Variants in MGST1 observed in about 807,000 individuals in gnomAD.
MGST1 encodes the protein glutathione S-transferase 12.
In MGST1, 5 loss-of-function variants were observed where a neutral mutation model predicts 8.9. The observed-to-expected ratio is 0.56, with a 90% CI of 0.29 to 1.19. The LOEUF is 1.19. Ranked by LOEUF, MGST1 falls within the 50% of genes most tolerant of loss-of-function variation. The pLI, the probability that MGST1 is intolerant of heterozygous loss-of-function variation, is 0.08. For missense variants in MGST1, 182 were observed against 187.4 expected, an observed-to-expected ratio of 0.97 and a Z score of 0.17; for synonymous variants, 54 against 67.8, an observed-to-expected ratio of 0.80 and a Z score of 1.00.
chr12:16,356,977 C>A (rs1939744170), intron 2 of MGST1, among the ~76,000 whole-genome samples: 1 of 152,164 alleles, frequency 6.6e-6, no homozygotes, highest in Non-Finnish European at 1.5e-5. Context: ...GAAAAAGATA[C>A]CAGTGAACCA....
intron 4 of MGST1, among the ~76,000 whole-genome samples, chr12:16,553,900 T>C (rs957623867): frequency 6.6e-6 from 1 of 151,074 alleles, no homozygotes; most frequent in Non-Finnish European, 1.5e-5. Context: ...AAAGGAGTGA[T>C]AGCCAGAGGA....
chr12:16,432,437 T>A (rs915720995), intron 1 of MGST1, among the ~76,000 whole-genome samples: 7 of 151,812 alleles, frequency 4.6e-5, no homozygotes, highest in Non-Finnish European at 8.8e-5. Flanking sequence ...TGGGTGAAAA[T>A]TTGTCTACAT....
At chr12:16,526,528 TG>T (rs1941687856) in intron 4 of MGST1, among the ~76,000 whole-genome samples, 1 of 151,982 alleles carries the variant, frequency 6.6e-6, no homozygotes, top group Non-Finnish European at 1.5e-5. Flanking sequence ...TTTTTTCCTT[TG>T]GAAAAAAATA....
Position 16,389,069 on chromosome 12 carries a change from G to A in MGST1, n.778+5465G>A, listed in dbSNP as rs578189444. Among the ~76,000 whole-genome samples the A allele has an allele frequency of 1.1e-4, 16 of 152,326 alleles. No individual in the cohort carries two copies. In the East Asian group the frequency reaches 1.5e-3, roughly 15 times the overall value. ...TTAATCTTGTAAAGTGCCACTTTGC[G>A]TATCTGAAGACAAATACAGGTGGCA... On this transcript the variant is annotated intron_variant and non_coding_transcript_variant, in intron 1 of 1. Coordinates refer to the MGST1 transcript ENST00000359720. The surrounding 1 kb of genome is among the most constrained non-coding windows in gnomAD (Gnocchi z 4.6).
chr12:16,540,906 T>C (rs925707839), intron 4 of MGST1, among the ~76,000 whole-genome samples: 1 of 152,170 alleles, frequency 6.6e-6, no homozygotes, highest in Non-Finnish European at 1.5e-5. Flanking sequence ...CAAGACTCTC[T>C]CTCAAAAACA....
In MGST1 at chr12:16,363,670, A is replaced by G. The variant is rs1387344526; in HGVS notation, c.222-125A>G. 1.2e-6 allele frequency: 1 copy of G among 803,228 alleles called. No homozygotes were observed. Among genetic ancestry groups the G allele is most frequent in the Non-Finnish European group, 1.8e-6 (1 of 556,024 alleles). The allele number at this position is 803,228 out of a possible 1,614,324, so 49.8% of individuals were successfully genotyped here. A position where few individuals can be genotyped will look rare whatever the true frequency, so the allele number is the denominator to read the frequency against. The stretch of plus-strand genomic sequence containing the variant: ...AGCAAGACAATTTGAGAGAAAAAAA[A>G]TAAATCTTACTTTGAAATTTAAGGA... On this transcript the variant is annotated intron_variant, in intron 3 of 3. Coordinates refer to ENST00000396210, the MANE Select transcript of MGST1 (RefSeq NM_020300.5). This position sits in a 1 kb window ranked among gnomAD's most constrained non-coding sequence, Gnocchi z 4.6.
chr12:16,434,381 C>T (rs761131362), intron 1 of MGST1, among the ~76,000 whole-genome samples: 5 of 151,938 alleles, frequency 3.3e-5, no homozygotes, highest in African/African-American at 4.8e-5. Context: ...ATTTCTAGTT[C>T]TTCCGATCAC....
At chr12:16,433,730 G>A (rs1357497894) in intron 1 of MGST1, among the ~76,000 whole-genome samples, 2 of 151,970 alleles carry the variant, frequency 1.3e-5, no homozygotes, top group East Asian at 3.9e-4. Flanking sequence ...GGCTCCTTAA[G>A]TTGACACATA....
At chr12:16,434,172 A>G (rs573334992) in intron 1 of MGST1, among the ~76,000 whole-genome samples, 2 of 152,220 alleles carry the variant, frequency 1.3e-5, no homozygotes, top group East Asian at 3.9e-4. Flanking sequence ...CAAGATAAAT[A>G]TTGGATGAGC....
chr12:16,411,453 A>AT (rs905304471), intron 1 of MGST1, among the ~76,000 whole-genome samples: 37 of 152,308 alleles, frequency 2.4e-4, no homozygotes, highest in African/African-American at 8.7e-4. Context: ...TGCCTATGAT[A>AT]TTTTTGTGTT....
intron 4 of MGST1, among the ~76,000 whole-genome samples, chr12:16,545,279 T>G (rs955820728): frequency 3.3e-5 from 5 of 152,056 alleles, no homozygotes; most frequent in Non-Finnish European, 7.4e-5. Flanking sequence ...TTTATTAGGG[T>G]TGTATGTTTA....
chr12:16,376,236 T>A, exon 4 of MGST1: 1 of 663,760 alleles, frequency 1.5e-6, no homozygotes, highest in Non-Finnish European at 2.5e-6. Flanking sequence ...AGTGAATAAT[T>A]GAAGAAAAAA....
At chr12:16,574,254 C>T (rs1942922999) in intron 4 of MGST1, among the ~76,000 whole-genome samples, 2 of 152,060 alleles carry the variant, frequency 1.3e-5, no homozygotes, top group Admixed American at 6.6e-5. Flanking sequence ...AATGTATAAA[C>T]GATGACTCTT....
At chr12:16,528,953 T>C (rs754680568) in intron 4 of MGST1, among the ~76,000 whole-genome samples, 2 of 152,008 alleles carry the variant, frequency 1.3e-5, no homozygotes, top group African/African-American at 2.4e-5. Flanking sequence ...TAGACTTACT[T>C]TGTTAGAAGA....
At chr12:16,564,256 T>C (rs1284232381) in intron 4 of MGST1, among the ~76,000 whole-genome samples, 4 of 152,206 alleles carry the variant, frequency 2.6e-5, no homozygotes, top group Admixed American at 2.6e-4. Context: ...CACACTGTAG[T>C]GAGCATGCAC....
intron 4 of MGST1, among the ~76,000 whole-genome samples, chr12:16,445,412 C>T (rs572654255): frequency 6.6e-6 from 1 of 152,002 alleles, no homozygotes; most frequent in Admixed American, 6.6e-5. Flanking sequence ...TTTACCAAAT[C>T]CTCCAGCATG....
rs537739949 is a variant in MGST1 at position 16,500,212 on chromosome 12, C to T, written n.483-89316C>T. 2.6e-5 allele frequency among the ~76,000 whole-genome samples: 4 copies of T among 152,160 alleles called. No individual in the cohort carries two copies. In the East Asian group the frequency reaches 7.7e-4, roughly 29 times the overall value. On this transcript the variant is annotated intron_variant and non_coding_transcript_variant, in intron 4 of 4. Coordinates refer to the MGST1 transcript ENST00000538857. This position sits in a 1 kb window ranked among gnomAD's most constrained non-coding sequence, Gnocchi z 4.3. ...TTTCCACTTAATCTTCTAGCAGGTGCCTTTGTTTAAAGAAAATAATTAAAG... is the reference window on the plus strand; with the variant it reads ...TTTCCACTTAATCTTCTAGCAGGTGTCTTTGTTTAAAGAAAATAATTAAAG...
chr12:16,373,546 A>T (rs920143794), intron 3 of MGST1, among the ~76,000 whole-genome samples: 3 of 152,020 alleles, frequency 2.0e-5, no homozygotes, highest in African/African-American at 7.2e-5. Flanking sequence ...TATCCATAAG[A>T]ATAAAAATAA....
At chr12:16,527,751 T>C (rs1941696568) in intron 4 of MGST1, among the ~76,000 whole-genome samples, 1 of 151,996 alleles carries the variant, frequency 6.6e-6, no homozygotes, top group African/African-American at 2.4e-5. Context: ...TCCCATTCTA[T>C]CTTCAGATAT....
Sources: gnomAD v4.1 joint callset for allele counts (sites outside exome capture counted in the v4.1 genomes callset) on GRCh38, gnomAD v4.1.1 for gene constraint, Gnocchi (gnomAD v3.1) non-coding constraint, MANE v1.5 for transcripts, NCBI Gene and HGNC (gene_info 2026-07-23, HGNC 2026-07-21) for gene names.